The following KCNMA1 variants were observed in gnomAD, a reference collection of about 807,000 sequenced individuals.
KCNMA1 encodes potassium calcium-activated channel subfamily M alpha 1, also known as Calcium-activated potassium channel subunit alpha-1.
Under a neutral mutation model 140.0 loss-of-function variants are expected in KCNMA1, and 29 were observed. The ratio of observed to expected loss-of-function variants is 0.21; its 90% CI spans 0.15 to 0.28. The LOEUF is 0.28. Among genes scored for constraint, KCNMA1 ranks in the 10% least tolerant of loss-of-function variants. KCNMA1 has a pLI of 1.00. For synonymous variants in KCNMA1, 612 were observed against 611.9 expected, an observed-to-expected ratio of 1.00 and a Z score of 0.00; for missense variants, 880 against 1,602.2, an observed-to-expected ratio of 0.55 and a Z score of 7.70.
At chr10:77,077,224 GAAC>G (rs1431338665) in intron 13 of KCNMA1, among the ~76,000 whole-genome samples, 1 of 152,154 alleles carries the variant, frequency 6.6e-6, no homozygotes, top group Non-Finnish European at 1.5e-5. Context: ...AGATATGAAA[GAAC>G]AACAACAACA....
intron 9 of KCNMA1, among the ~76,000 whole-genome samples, chr10:77,101,941 T>C (rs1446944988): frequency 6.6e-6 from 1 of 152,052 alleles, no homozygotes; most frequent in Non-Finnish European, 1.5e-5. Context: ...GAGAGGGAAA[T>C]GGTGTTGTAG....
intron 3 of KCNMA1, among the ~76,000 whole-genome samples, chr10:77,248,773 GT>G (rs2059124423): frequency 6.6e-6 from 1 of 151,768 alleles, no homozygotes; most frequent in Non-Finnish European, 1.5e-5. Flanking sequence ...GTTTCACTGT[GT>G]TTTATTCCTG....
chr10:77,179,955 T>C (rs2098789963), intron 5 of KCNMA1, among the ~76,000 whole-genome samples: 1 of 152,206 alleles, frequency 6.6e-6, no homozygotes, highest in African/African-American at 2.4e-5. Context: ...GAATATATTC[T>C]GTACTATACA....
chr10:77,161,606 A>C (rs2098555393), intron 5 of KCNMA1, among the ~76,000 whole-genome samples: 1 of 152,224 alleles, frequency 6.6e-6, no homozygotes, highest in African/African-American at 2.4e-5. Context: ...AAAGTCAGGC[A>C]CACTAGGTTC....
chr10:77,367,824 C>T (rs747786845), intron 2 of KCNMA1, among the ~76,000 whole-genome samples: 24 of 152,166 alleles, frequency 1.6e-4, no homozygotes, highest in Non-Finnish European at 2.5e-4. Context: ...TTAACGCTGG[C>T]TTTTTTAATT....
rs2067817193 is a variant in KCNMA1 at position 77,279,713 on chromosome 10, G to A, written c.541-28457C>T. 2.6e-5 allele frequency among the ~76,000 whole-genome samples: 4 copies of A among 152,218 alleles called. No individual in the cohort carries two copies. The South Asian group carries it at 8.3e-4, about 32-fold the overall frequency. On this transcript the variant is annotated intron_variant, in intron 2 of 27. Coordinates refer to ENST00000286628, the MANE Select transcript of KCNMA1 (RefSeq NM_001161352.2). ...AGCTCCCACAATTCCCACATGTCAT[G>A]GGAGGAACCCAATGGGAGGTAATTA... is the stretch of plus-strand genomic sequence containing the variant.
At chr10:77,509,600 CA>C (rs1327085291) in intron 1 of KCNMA1, among the ~76,000 whole-genome samples, 2 of 152,180 alleles carry the variant, frequency 1.3e-5, no homozygotes, top group African/African-American at 4.8e-5. Flanking sequence ...CATCATTTTA[CA>C]TTCCCGCCAG....
At chr10:76,960,579 C>A (rs1261472367) in intron 20 of KCNMA1, among the ~76,000 whole-genome samples, 1 of 131,140 alleles carries the variant, frequency 7.6e-6, no homozygotes, top group Non-Finnish European at 1.6e-5. Flanking sequence ...TCATGTTATT[C>A]AACTTTGCTG....
intron 1 of KCNMA1, chr10:77,587,814 GGA>G: frequency 1.0e-6 from 1 of 985,284 alleles, no homozygotes; most frequent in Non-Finnish European, 1.2e-6. Flanking sequence ...GGCCCCAGGT[GGA>G]GTTATCTCAC....
chr10:77,073,882 G>A lies in KCNMA1; in HGVS notation c.1594-630C>T, dbSNP rs913243398. ...ACATCAGGTAAATCACAGTGTCGAC[G>A]TTTCCAATCTCTTGCAAATGGACTG... On this transcript the variant is annotated intron_variant, in intron 13 of 27. Transcript: ENST00000286628. Among the ~76,000 whole-genome samples the A allele has an allele frequency of 3.9e-5, 6 of 152,146 alleles. No individual in the cohort carries two copies. The East Asian group carries it at 9.6e-4, about 24-fold the overall frequency.
intron 3 of KCNMA1, among the ~76,000 whole-genome samples, chr10:77,212,344 A>G (rs955945920): frequency 6.6e-6 from 1 of 152,210 alleles, no homozygotes; most frequent in African/African-American, 2.4e-5. Flanking sequence ...AATTAACACA[A>G]AAACAGAAAA....
chr10:77,067,494 G>A (rs983833594), intron 14 of KCNMA1, among the ~76,000 whole-genome samples: 9 of 151,672 alleles, frequency 5.9e-5, no homozygotes, highest in Non-Finnish European at 1.2e-4. Context: ...TCTCTCTCAC[G>A]CATGTGTGTG....
intron 2 of KCNMA1, among the ~76,000 whole-genome samples, chr10:77,313,289 G>T (rs2079839468): frequency 6.6e-6 from 1 of 152,176 alleles, no homozygotes; most frequent in African/African-American, 2.4e-5. Flanking sequence ...AAGTTGCTCT[G>T]CAGGATTAGC....
At chr10:77,137,013 C>T (rs2098053672) in intron 5 of KCNMA1, among the ~76,000 whole-genome samples, 1 of 152,194 alleles carries the variant, frequency 6.6e-6, no homozygotes, top group South Asian at 2.1e-4. Flanking sequence ...AGAACTATTG[C>T]TGTGGAATTT....
chr10:77,408,978 G>A (rs2096558595), intron 1 of KCNMA1, among the ~76,000 whole-genome samples: 1 of 152,178 alleles, frequency 6.6e-6, no homozygotes, highest in African/African-American at 2.4e-5. Flanking sequence ...ACAGGAGGCA[G>A]GGAACACCAG....
chr10:77,150,532 T>C (rs1409742815), intron 5 of KCNMA1, among the ~76,000 whole-genome samples: 1 of 152,170 alleles, frequency 6.6e-6, no homozygotes. Context: ...GTCCCTGCTT[T>C]AAAGAAGTAC....
chr10:77,461,547 A>G (rs1241133069), intron 1 of KCNMA1, among the ~76,000 whole-genome samples: 1 of 152,122 alleles, frequency 6.6e-6, no homozygotes, highest in Non-Finnish European at 1.5e-5. Context: ...AGGAGATTTC[A>G]ATACTGAGGA....
intron 1 of KCNMA1, among the ~76,000 whole-genome samples, chr10:77,497,603 A>G (rs1216034912): frequency 1.3e-5 from 2 of 152,226 alleles, no homozygotes; most frequent in East Asian, 3.8e-4. Context: ...GACCCAACCT[A>G]TATTATAAAA....
chr10:77,251,742 T>A (rs901124961), intron 2 of KCNMA1, among the ~76,000 whole-genome samples: 6 of 152,206 alleles, frequency 3.9e-5, no homozygotes, highest in African/African-American at 1.2e-4. Context: ...CTTTAGTAAA[T>A]CTACTAAGTT....
Sources: gnomAD v4.1 joint callset for allele counts (sites outside exome capture counted in the v4.1 genomes callset) on GRCh38, gnomAD v4.1.1 for gene constraint, MANE v1.5 for transcripts, NCBI Gene and HGNC (gene_info 2026-07-23, HGNC 2026-07-21) for gene names.